The following ROBO2 variants were observed in gnomAD, a reference collection of about 807,000 sequenced individuals.
ROBO2 encodes roundabout guidance receptor 2, also known as roundabout homolog 2.
A neutral mutation model predicts 160.8 loss-of-function variants in ROBO2; 53 were observed. That is an observed-to-expected ratio of 0.33 (90% CI 0.26 to 0.41). ROBO2 has a LOEUF of 0.41. ROBO2 is among the 10% of genes least tolerant of loss of function. The pLI is 1.00. For synonymous variants in ROBO2, 664 were observed against 611.7 expected, an observed-to-expected ratio of 1.09 and a Z score of -1.26; for missense variants, 1,577 against 1,722.4, an observed-to-expected ratio of 0.92 and a Z score of 1.49.
At chr3:77,477,653 A>G (rs2084180639) in intron 3 of ROBO2, 82 bp downstream of exon 3, 3 of 1,298,940 alleles carry the variant, frequency 2.3e-6, no homozygotes, top group Non-Finnish European at 3.3e-6. Flanking sequence ...ATTCTTTAAC[A>G]TTATTAATAC....
intron 2 of ROBO2, among the ~76,000 whole-genome samples, chr3:77,246,912 T>G (rs1455196503): frequency 6.6e-6 from 1 of 152,204 alleles, no homozygotes; most frequent in Non-Finnish European, 1.5e-5. Flanking sequence ...ATTGGCTATT[T>G]GATTTACATG....
At chr3:76,687,407 T>C (rs2092708551) in intron 2 of ROBO2, among the ~76,000 whole-genome samples, 1 of 152,088 alleles carries the variant, frequency 6.6e-6, no homozygotes, top group Admixed American at 6.6e-5. Flanking sequence ...AATAAATATA[T>C]GTCATTATTT....
chr3:77,553,236 AT>A (rs1313540812), intron 8 of ROBO2, among the ~76,000 whole-genome samples: 3 of 151,974 alleles, frequency 2.0e-5, no homozygotes, highest in East Asian at 3.9e-4. Context: ...TACTACTATA[AT>A]TTTTGGGGGG....
chr3:76,042,447 A>C (rs923988239), intron 2 of ROBO2, among the ~76,000 whole-genome samples: 6 of 152,048 alleles, frequency 3.9e-5, no homozygotes, highest in Non-Finnish European at 8.8e-5. Flanking sequence ...AGGCATTTTA[A>C]TGCAGTATTT....
At chr3:77,313,084 A>C (rs2063684026) in intron 2 of ROBO2, among the ~76,000 whole-genome samples, 1 of 152,228 alleles carries the variant, frequency 6.6e-6, no homozygotes, top group Admixed American at 6.5e-5. Flanking sequence ...ACTTTCCATC[A>C]GATAAAGATT....
At chr3:76,588,592 A>G (rs554111048) in intron 2 of ROBO2, among the ~76,000 whole-genome samples, 1 of 152,354 alleles carries the variant, frequency 6.6e-6, no homozygotes, top group Non-Finnish European at 1.5e-5. Flanking sequence ...TTTAAGAAGC[A>G]TATATTGGAA....
intron 2 of ROBO2, among the ~76,000 whole-genome samples, chr3:77,022,534 T>C (rs1383270550): frequency 6.6e-6 from 1 of 152,256 alleles, no homozygotes; most frequent in Non-Finnish European, 1.5e-5. Context: ...GTCAGAATTC[T>C]ATAAAGCCAT....
intron 2 of ROBO2, among the ~76,000 whole-genome samples, chr3:77,288,901 T>G (rs372616347): frequency 3.3e-5 from 5 of 151,112 alleles, no homozygotes; most frequent in African/African-American, 1.2e-4. Context: ...AAATTATCAT[T>G]GAAAGTTAGA....
chr3:77,251,220 G>A (rs1044706912), intron 2 of ROBO2, among the ~76,000 whole-genome samples: 6 of 152,104 alleles, frequency 3.9e-5, no homozygotes, highest in Non-Finnish European at 5.9e-5. Context: ...CCATTAAACC[G>A]TGGCCCCACA....
intron 14 of ROBO2, among the ~76,000 whole-genome samples, chr3:77,576,183 C>T (rs938683226): frequency 6.6e-6 from 1 of 152,016 alleles, no homozygotes; most frequent in Non-Finnish European, 1.5e-5. Context: ...TTCATCATGC[C>T]ATATTTTGGA....
chr3:76,968,967 T>G (rs2149272612), intron 2 of ROBO2, among the ~76,000 whole-genome samples: 1 of 152,352 alleles, frequency 6.6e-6, no homozygotes, highest in Admixed American at 6.5e-5. Context: ...CATTTTGGTG[T>G]ACCCAGCATG....
chr3:76,159,745 A>G (rs1464058868), intron 2 of ROBO2, among the ~76,000 whole-genome samples: 1 of 152,196 alleles, frequency 6.6e-6, no homozygotes, highest in African/African-American at 2.4e-5. Context: ...TTTTGTAAGT[A>G]ATGATACCAG....
intron 2 of ROBO2, among the ~76,000 whole-genome samples, chr3:76,521,321 T>A (rs565989443): frequency 5.3e-5 from 8 of 152,254 alleles, no homozygotes; most frequent in African/African-American, 1.9e-4. Context: ...AGTGCTGGGA[T>A]TACAGGCATG....
intron 2 of ROBO2, among the ~76,000 whole-genome samples, chr3:76,519,804 C>A (rs3907670): frequency 0.64 from 96,853 of 152,062 alleles, 31,108 homozygotes; most frequent in African/African-American, 0.7. Flanking sequence ...TTTCTGGCTT[C>A]AGGTTTAAGT....
At chr3:76,480,099 T>C (rs554775957) in intron 2 of ROBO2, among the ~76,000 whole-genome samples, 2 of 152,152 alleles carry the variant, frequency 1.3e-5, no homozygotes, top group African/African-American at 4.8e-5. Flanking sequence ...GAGGAGGCAA[T>C]GAGGTATCAG....
chr3:77,132,869 A>T (rs575214957), intron 2 of ROBO2, among the ~76,000 whole-genome samples: 4 of 152,298 alleles, frequency 2.6e-5, no homozygotes, highest in African/African-American at 9.6e-5. Flanking sequence ...TGTTTTGAAC[A>T]TCTTCTACAT....
Position 77,425,467 on chromosome 3 carries a change from T to G in ROBO2, c.389-51947T>G, listed in dbSNP as rs1266068211. ...GTGATACATAAACTTAGAGCCAAGGTGAAAGATGAAGTCACCCATACTCCA... is the reference window on the plus strand; with the variant it reads ...GTGATACATAAACTTAGAGCCAAGGGGAAAGATGAAGTCACCCATACTCCA... On this transcript the variant is annotated intron_variant, in intron 2 of 25. Transcript: ENST00000461745. Among the ~76,000 whole-genome samples, 4 of 151,844 alleles carry G rather than the reference T, an allele frequency of 2.6e-5. No homozygotes were observed. In the East Asian group the frequency reaches 7.8e-4, roughly 29 times the overall value.
chr3:76,711,360 C>T (rs1327860296), intron 2 of ROBO2, among the ~76,000 whole-genome samples: 1 of 152,156 alleles, frequency 6.6e-6, no homozygotes, highest in African/African-American at 2.4e-5. Flanking sequence ...ATGAACAAAC[C>T]ACCTCCTACC....
At chr3:76,201,889 C>CAAAAAAAAAAAAAAAAAAAAAAAAAAAA (rs3039047) in intron 2 of ROBO2, among the ~76,000 whole-genome samples, 1 of 105,582 alleles carries the variant, frequency 9.5e-6, no homozygotes, top group Non-Finnish European at 1.9e-5. Flanking sequence ...CGAGAAATGT[C>CAAAAAAAAAAAAAAAAAAAAAAAAAAAA]AAAAAAAAAA....
Sources: gnomAD v4.1 joint callset for allele counts (sites outside exome capture counted in the v4.1 genomes callset) on GRCh38, gnomAD v4.1.1 for gene constraint, MANE v1.5 for transcripts, NCBI Gene and HGNC (gene_info 2026-07-23, HGNC 2026-07-21) for gene names.